The following ALOX12 variants were observed in gnomAD, a reference collection of about 807,000 sequenced individuals.
The protein encoded by ALOX12 is arachidonate 12-lipoxygenase, 12S type, also known as polyunsaturated fatty acid lipoxygenase ALOX12.
A neutral mutation model predicts 85.5 loss-of-function variants in ALOX12; 62 were observed. The ratio of observed to expected loss-of-function variants is 0.73; its 90% CI spans 0.59 to 0.90. The LOEUF (loss-of-function observed/expected upper bound fraction) is 0.90. ALOX12 is among the 40% of genes least tolerant of loss of function. The pLI, the probability that ALOX12 is intolerant of heterozygous loss-of-function variation, is 0.00. For missense variants in ALOX12, 751 were observed against 856.5 expected, an observed-to-expected ratio of 0.88 and a Z score of 1.54; for synonymous variants, 299 against 332.7, an observed-to-expected ratio of 0.90 and a Z score of 1.10.
rs1383539067 is a variant in ALOX12 at position 7,001,795 on chromosome 17, T to C, written c.1145T>C (p.Leu382Pro). Residue 382 changes from leucine (L) to proline (P), a missense_variant, in exon 8 of 14, where the codon CTG (leucine) becomes CCG (proline). Transcript: ENST00000251535. ...AVATMRCLPG[L>P]HPIFKFLIPH... Reference sequence around the variant, plus strand: ...GCCACCATGCGGTGCCTCCCAGGACTGCACCCCATCTTCAAGGTACTTATT... The same window carrying C: ...GCCACCATGCGGTGCCTCCCAGGACCGCACCCCATCTTCAAGGTACTTATT... The C allele has an allele frequency of 6.2e-7, 1 of 1,614,040 alleles. No individual in the cohort carries two copies. Among genetic ancestry groups the C allele is most frequent in the Admixed American group, 1.7e-5 (1 of 60,024 alleles).
chr17:7,010,014 C>A lies in ALOX12; in HGVS notation c.1700C>A (p.Thr567Asn), dbSNP rs1909303632. The change falls in exon 13 of 14, where the codon ACC becomes AAC. Residue 567 changes from threonine to asparagine, a missense_variant. By Grantham distance (65) the Thr-to-Asn change is moderately conservative. Transcript: ENST00000251535. ...TGCACAATGCGGATGCCCCCACCCACCACCAAGGAAGATGTGACGATGGCC... is the reference window on the plus strand; with the variant it reads ...TGCACAATGCGGATGCCCCCACCCAACACCAAGGAAGATGTGACGATGGCC... ...APCTMRMPPP[T>N]TKEDVTMATV... The A allele has an allele frequency of 1.5e-5, 25 of 1,614,094 alleles. No homozygotes were observed. The highest frequency in any genetic ancestry group is 2.0e-5 in the Non-Finnish European group (24 of 1,180,046).
rs1042357 is a variant in ALOX12, at chr17:7,001,742, T to A, written c.1092T>A (p.Thr364=). The A allele has an allele frequency of 1.9e-6, 3 of 1,613,808 alleles. No homozygotes were observed. Among genetic ancestry groups the A allele is most frequent in the East Asian group, 2.2e-5 (1 of 44,866 alleles). The change falls in exon 8 of 14, where the codon ACT becomes ACA. Residue 364 remains threonine, a synonymous_variant. Transcript: ENST00000251535. ...LHEIQYHLLN[T]HLVAEVIAVA... is the part of the protein sequence containing the mutation. ...AGATCCAGTATCACTTGCTGAACAC[T>A]CACCTGGTGGCTGAGGTCATCGCTG...
intron 6 of ALOX12, 90 bp downstream of exon 6, chr17:6,999,556 C>T (rs1908609924): frequency 7.1e-7 from 1 of 1,400,552 alleles, no homozygotes; most frequent in Non-Finnish European, 9.9e-7. Flanking sequence ...CAGAGGAAGG[C>T]TGCAGTACTG....
intron 6 of ALOX12, chr17:6,999,721 C>T: frequency 2.1e-6 from 1 of 467,864 alleles, no homozygotes. Context: ...AGTGACATTG[C>T]CTGGCCGCAG....
Position 7,005,841 on chromosome 17 carries a change from G to A in ALOX12, c.1249-17G>A, listed in dbSNP as rs1909016065. The A allele has an allele frequency of 6.2e-7, 1 of 1,607,920 alleles. No homozygotes were observed. The highest frequency in any genetic ancestry group is 1.7e-5 in the Admixed American group (1 of 59,884). On this transcript the variant is annotated splice_polypyrimidine_tract_variant and intron_variant, in intron 9 of 13. Coordinates refer to ENST00000251535, the MANE Select transcript of ALOX12 (RefSeq NM_000697.3). The stretch of plus-strand genomic sequence containing the variant: ...AGCCCTGTTTCCCCCTCTAAGACCT[G>A]TGATCTCCTGTCCCAGGCAGTGAGC...
Position 6,996,387 on chromosome 17 carries a change from G to A in ALOX12, c.135+135G>A. The A allele has an allele frequency of 4.7e-6, 5 of 1,068,358 alleles. No individual in the cohort carries two copies. In the South Asian group the frequency reaches 1.9e-4, roughly 41 times the overall value. The allele number at this position is 1,068,358 out of a possible 1,614,324, so 66.2% of individuals were successfully genotyped here. A position where few individuals can be genotyped will look rare whatever the true frequency, so the allele number is the denominator to read the frequency against. On this transcript the variant is annotated intron_variant, in intron 1 of 13. Transcript: ENST00000251535. ...CGACCTCGCGGACTGGGACTTCCAC[G>A]AAGCTGGGACGAGGTGGGCAAGATT...
At chr17:7,007,841 A>G (rs1049890552) in intron 11 of ALOX12, among the ~76,000 whole-genome samples, 3 of 152,174 alleles carry the variant, frequency 2.0e-5, no homozygotes, top group Non-Finnish European at 2.9e-5. Flanking sequence ...AGATCACGCC[A>G]TTGCACTCCA....
At chr17:7,004,089 T>TAA (rs1908863346) in intron 8 of ALOX12, among the ~76,000 whole-genome samples, 1 of 142,906 alleles carries the variant, frequency 7.0e-6, no homozygotes, top group Non-Finnish European at 1.5e-5. Context: ...AAAATTAAAA[T>TAA]TTTAATTTAA....
chr17:7,009,295 G>A (rs1185933169), intron 11 of ALOX12, among the ~76,000 whole-genome samples: 2 of 151,924 alleles, frequency 1.3e-5, no homozygotes, highest in African/African-American at 4.8e-5. Context: ...TCCTGACCTC[G>A]TGATCCGCCC....
chr17:7,006,409 G>A (rs1374188017), intron 10 of ALOX12, 77 bp from the exon 11 acceptor site: 1 of 1,601,314 alleles, frequency 6.2e-7, no homozygotes, highest in African/African-American at 1.3e-5. Context: ...GGAAGCATTG[G>A]GCAGATGCCA....
chr17:7,002,827 T>C (rs1359824479), intron 8 of ALOX12, among the ~76,000 whole-genome samples: 1 of 152,078 alleles, frequency 6.6e-6, no homozygotes, highest in Admixed American at 6.6e-5. Context: ...TCAGAAACAG[T>C]AAAGTTAGAA....
Position 7,010,546 on chromosome 17 carries a change from C to G in ALOX12, c.*123C>G. On this transcript the variant is annotated 3_prime_UTR_variant, in exon 14 of 14. Coordinates refer to ENST00000251535, the MANE Select transcript of ALOX12 (RefSeq NM_000697.3). ...CTCTATTTCCTCCCCCAGTTAAACC[C>G]CCTACATTAGTATCCCACTAGCCCA... 1.6e-6 allele frequency: 2 copies of G among 1,223,006 alleles called. No homozygotes were observed. Among genetic ancestry groups the G allele is most frequent in the South Asian group, 3.2e-5 (2 of 62,252 alleles). The allele number at this position is 1,223,006 out of a possible 1,614,324, so 75.8% of individuals were successfully genotyped here.
At position 6,997,022 on chromosome 17, in the gene ALOX12, G is replaced by A; in HGVS notation, c.332G>A (p.Gly111Asp). 6.5e-7 allele frequency: 1 copy of A among 1,537,240 alleles called. No individual in the cohort carries two copies. The highest frequency in any genetic ancestry group is 8.8e-7 in the Non-Finnish European group (1 of 1,138,888). The part of the protein sequence containing the change: ...QGEDILSLPE[G>D]TARLPGDNAL... Reference sequence around the variant, plus strand: ...GAGGACATCCTGAGCCTGCCCGAGGGCACCGGTGAGCAGGCGGCGTCGGGG... The same window carrying A: ...GAGGACATCCTGAGCCTGCCCGAGGACACCGGTGAGCAGGCGGCGTCGGGG... The change falls in exon 2 of 14, where the codon GGC (glycine) becomes GAC (aspartate). Residue 111 changes from glycine (G) to aspartate (D), a missense_variant. Coordinates refer to ENST00000251535, the MANE Select transcript of ALOX12 (RefSeq NM_000697.3).
At chr17:6,997,208 T>C (rs1908490412) in intron 2 of ALOX12, 181 bp downstream of exon 2, 1 of 930,050 alleles carries the variant, frequency 1.1e-6, no homozygotes, top group African/African-American at 1.8e-5. Context: ...CCCAAAGTTT[T>C]ACACAGGCTA....
chr17:7,005,992 C>T lies in ALOX12; in HGVS notation c.1383C>T (p.Ala461=). The T allele has an allele frequency of 3.1e-6, 5 of 1,588,278 alleles. No individual in the cohort carries two copies. Among genetic ancestry groups the T allele is most frequent in the African/African-American group, 1.4e-5 (1 of 70,096 alleles). Residue 461 remains alanine, a synonymous_variant, in exon 10 of 14, where the codon GCC becomes GCT. Transcript: ENST00000251535. ...GLLGLPGALY[A]HDALRLWEII... The stretch of plus-strand genomic sequence containing the variant: ...TGGGACTCCCAGGTGCTCTCTATGC[C>T]CATGATGCTTTACGGCTCTGGGAGA...
chr17:6,998,277 T>C (rs926011016), intron 2 of ALOX12, among the ~76,000 whole-genome samples: 9 of 151,686 alleles, frequency 5.9e-5, no homozygotes, highest in Non-Finnish European at 1.2e-4. Flanking sequence ...AAACAGGAGG[T>C]TTTTATCTAC....
At chr17:7,007,579 T>A (rs1909150159) in intron 11 of ALOX12, among the ~76,000 whole-genome samples, 1 of 152,130 alleles carries the variant, frequency 6.6e-6, no homozygotes, top group African/African-American at 2.4e-5. Context: ...TCCTAGCAGT[T>A]TGGGCTACTA....
intron 11 of ALOX12, among the ~76,000 whole-genome samples, chr17:7,007,549 C>T (rs1037724017): frequency 6.6e-6 from 1 of 152,218 alleles, no homozygotes; most frequent in African/African-American, 2.4e-5. Context: ...TCTAGTTCTT[C>T]TCAGTACAGT....
chr17:7,010,639 G>A lies in ALOX12; in HGVS notation c.*216G>A. On this transcript the variant is annotated 3_prime_UTR_variant, in exon 14 of 14. Coordinates refer to ENST00000251535, the MANE Select transcript of ALOX12 (RefSeq NM_000697.3). ...ACGCTTTGCAGACCGCATAGTCACT[G>A]TCTCAACTACTCAGCTCTCCTGCTG... 1 of 515,152 alleles carries A rather than the reference G, an allele frequency of 1.9e-6. No homozygotes were observed. Among genetic ancestry groups the A allele is most frequent in the Non-Finnish European group, 3.3e-6 (1 of 300,574 alleles). 31.9% of individuals were successfully genotyped at this position (515,152 alleles called of 1,614,324 possible).
Sources: gnomAD v4.1 joint callset for allele counts (sites outside exome capture counted in the v4.1 genomes callset) on GRCh38, gnomAD v4.1.1 for gene constraint, MANE v1.5 for transcripts, NCBI Gene and HGNC (gene_info 2026-07-23, HGNC 2026-07-21) for gene names.